Variants in SPPL3 observed in about 807,000 individuals in gnomAD.
The protein encoded by SPPL3 is signal peptide peptidase like 3.
Under a neutral mutation model 42.4 loss-of-function variants are expected in SPPL3, and 5 were observed. The ratio of observed to expected loss-of-function variants is 0.12; its 90% CI spans 0.06 to 0.25. The LOEUF (loss-of-function observed/expected upper bound fraction) is 0.25. Among genes scored for constraint, SPPL3 ranks in the 10% least tolerant of loss-of-function variants. The probability of loss-of-function intolerance (pLI) is 1.00; values close to 1 mark genes in which losing one functional copy is unlikely to be tolerated. For missense variants in SPPL3, 235 were observed against 489.0 expected, an observed-to-expected ratio of 0.48 and a Z score of 4.90; for synonymous variants, 195 against 181.8, an observed-to-expected ratio of 1.07 and a Z score of -0.58.
intron 1 of SPPL3, among the ~76,000 whole-genome samples, chr12:120,836,358 T>A (rs1294342650): frequency 6.6e-6 from 1 of 152,128 alleles, no homozygotes; most frequent in Non-Finnish European, 1.5e-5. Context: ...CAGGCTCTCC[T>A]GTTGGAAAGA....
At chr12:120,899,173 T>C (rs969133237) in intron 1 of SPPL3, among the ~76,000 whole-genome samples, 4 of 152,244 alleles carry the variant, frequency 2.6e-5, no homozygotes, top group African/African-American at 7.2e-5. Flanking sequence ...TGTAGTTAAA[T>C]TGTGATAAAG....
chr12:120,834,207 G>C (rs564202085), intron 1 of SPPL3, among the ~76,000 whole-genome samples: 7 of 152,294 alleles, frequency 4.6e-5, no homozygotes, highest in African/African-American at 1.7e-4. Context: ...ACAGACAATC[G>C]AGAGAGAATG....
chr12:120,855,681 C>A (rs543287114), intron 1 of SPPL3, among the ~76,000 whole-genome samples: 25 of 146,998 alleles, frequency 1.7e-4, no homozygotes, highest in Non-Finnish European at 2.8e-4. Context: ...GGCAGCTGAG[C>A]AAGACTCCAT....
rs116803377 is a variant in SPPL3 at position 120,896,310 on chromosome 12, A to T, written c.23+7535T>A. On this transcript the variant is annotated intron_variant, in intron 1 of 10. Transcript: ENST00000353487. The stretch of plus-strand genomic sequence containing the variant: ...GTGGCCCTAGTTTGACTTATTAATA[A>T]AATCTGAGGGGTAACAATTCATTGA... 5.9e-3 allele frequency among the ~76,000 whole-genome samples: 894 copies of T among 152,328 alleles called. 12 individuals are homozygous for T. Among genetic ancestry groups the T allele is most frequent in the African/African-American group, 0.019 (810 of 41,580 alleles).
At chr12:120,888,432 G>A (rs954903442) in intron 1 of SPPL3, among the ~76,000 whole-genome samples, 2 of 152,144 alleles carry the variant, frequency 1.3e-5, no homozygotes, top group Non-Finnish European at 2.9e-5. Context: ...GTCAACTAAT[G>A]AGTGCATAAG....
In SPPL3 at chr12:120,797,409, C is replaced by T. The variant is rs116028592; in HGVS notation, c.102-5852G>A. Among the ~76,000 whole-genome samples, 328 of 152,202 alleles carry T rather than the reference C, an allele frequency of 2.2e-3. 1 individual carries two copies. Among genetic ancestry groups the T allele is most frequent in the African/African-American group, 7.5e-3 (313 of 41,526 alleles). On this transcript the variant is annotated intron_variant, in intron 2 of 10. Transcript: ENST00000353487. Reference sequence around the variant, plus strand: ...TAGTTTGACGGGAAAATAAGTATGACGGGAAAACTATTCCTCAACTCTCAG... The same window carrying T: ...TAGTTTGACGGGAAAATAAGTATGATGGGAAAACTATTCCTCAACTCTCAG...
intron 1 of SPPL3, among the ~76,000 whole-genome samples, chr12:120,856,503 CTTTT>C (rs35137934): frequency 1.5e-4 from 13 of 89,188 alleles, no homozygotes; most frequent in Non-Finnish European, 2.1e-4. Context: ...CAATTTTCAT[CTTTT>C]TTTTTTTTTT....
intron 2 of SPPL3, among the ~76,000 whole-genome samples, chr12:120,800,114 T>C (rs912702572): frequency 6.6e-6 from 1 of 152,250 alleles, no homozygotes; most frequent in Non-Finnish European, 1.5e-5. Context: ...AATCTTGTTA[T>C]TGCTATACAG....
At chr12:120,768,251 T>TAAGAGAA in intron 8 of SPPL3, 74 bp downstream of exon 8, 1 of 1,524,352 alleles carries the variant, frequency 6.6e-7, no homozygotes. Context: ...GCTGATGACA[T>TAAGAGAA]TAGAGACTGA....
chr12:120,877,516 C>T (rs572049455), intron 1 of SPPL3, among the ~76,000 whole-genome samples: 3 of 152,178 alleles, frequency 2.0e-5, no homozygotes, highest in South Asian at 2.1e-4. Flanking sequence ...AGTGGTGGCT[C>T]GCGCCTGTAA....
chr12:120,765,688 A>T (rs902968518), intron 10 of SPPL3, among the ~76,000 whole-genome samples: 15 of 151,480 alleles, frequency 9.9e-5, no homozygotes, highest in African/African-American at 3.4e-4. Context: ...ACTCCCTAGA[A>T]GGGGTGCTTT....
chr12:120,896,734 G>A (rs556973324), intron 1 of SPPL3, among the ~76,000 whole-genome samples: 3 of 151,348 alleles, frequency 2.0e-5, no homozygotes, highest in Non-Finnish European at 2.9e-5. Flanking sequence ...AGCTGAGATC[G>A]CACCACTACA....
chr12:120,878,982 G>A (rs771364737), intron 1 of SPPL3, among the ~76,000 whole-genome samples: 1 of 151,598 alleles, frequency 6.6e-6, no homozygotes. Flanking sequence ...GTGTGGTGGC[G>A]GGCGCCTGTA....
At chr12:120,820,416 C>T (rs1458882763) in intron 1 of SPPL3, among the ~76,000 whole-genome samples, 8 of 149,652 alleles carry the variant, frequency 5.3e-5, no homozygotes, top group African/African-American at 7.4e-5. Context: ...CCCAGGTTCA[C>T]GCCATTCTCC....
At chr12:120,809,508 C>A (rs905168435) in intron 2 of SPPL3, among the ~76,000 whole-genome samples, 1 of 152,166 alleles carries the variant, frequency 6.6e-6, no homozygotes, top group Non-Finnish European at 1.5e-5. Context: ...AATCTTTACG[C>A]CTGGGTATTT....
chr12:120,853,983 TAC>T (rs58246859), intron 1 of SPPL3, among the ~76,000 whole-genome samples: 5,761 of 130,220 alleles, frequency 0.044, 175 homozygotes, highest in African/African-American at 0.068. Context: ...CACGCACACA[TAC>T]ACACACACAC....
chr12:120,766,100 G>GCGCACACACA (rs1186435935), intron 10 of SPPL3, among the ~76,000 whole-genome samples, 163 bp downstream of exon 10: 14 of 84,140 alleles, frequency 1.7e-4, no homozygotes, highest in East Asian at 1.0e-3. Context: ...GCGCGCGCGC[G>GCGCACACACA]CACACACACA....
intron 5 of SPPL3, among the ~76,000 whole-genome samples, 192 bp downstream of exon 5, chr12:120,783,482 T>C (rs573049442): frequency 1.3e-5 from 2 of 152,350 alleles, no homozygotes; most frequent in East Asian, 3.9e-4. Flanking sequence ...TGTTTGTATT[T>C]CCTCTGACAT....
intron 1 of SPPL3, 102 bp from the exon 2 acceptor site, chr12:120,810,988 T>A: frequency 1.5e-6 from 1 of 679,528 alleles, no homozygotes; most frequent in Non-Finnish European, 2.4e-6. Flanking sequence ...TTTGTTTTTA[T>A]CTTTAAGAAG....
Sources: gnomAD v4.1 joint callset for allele counts (sites outside exome capture counted in the v4.1 genomes callset) on GRCh38, gnomAD v4.1.1 for gene constraint, MANE v1.5 for transcripts, NCBI Gene and HGNC (gene_info 2026-07-23, HGNC 2026-07-21) for gene names.